The following SSC4D variants were observed in gnomAD, a reference collection of about 807,000 sequenced individuals.
The protein encoded by SSC4D is scavenger receptor cysteine rich family member with 4 domains, also known as scavenger receptor cysteine-rich domain-containing group B protein.
Under a neutral mutation model 63.4 loss-of-function variants are expected in SSC4D, and 57 were observed. The ratio of observed to expected loss-of-function variants is 0.90; its 90% CI spans 0.73 to 1.12. The LOEUF (loss-of-function observed/expected upper bound fraction) is 1.12. SSC4D is among the 50% of genes most tolerant of loss of function. The probability of loss-of-function intolerance (pLI) is 0.00; values close to 1 mark genes in which losing one functional copy is unlikely to be tolerated. For synonymous variants in SSC4D, 352 were observed against 345.4 expected, an observed-to-expected ratio of 1.02 and a Z score of -0.21; for missense variants, 791 against 806.4, an observed-to-expected ratio of 0.98 and a Z score of 0.23.
rs1047870905 is a variant in SSC4D, at chr7:76,389,786, C to T, written c.*273G>A. 4.0e-6 allele frequency: 2 copies of T among 504,350 alleles called. No homozygotes were observed. Among genetic ancestry groups the T allele is most frequent in the Non-Finnish European group, 7.1e-6 (2 of 280,740 alleles). 31.2% of individuals were successfully genotyped at this position (504,350 alleles called of 1,614,324 possible). On this transcript the variant is annotated 3_prime_UTR_variant, in exon 11 of 11. Coordinates refer to ENST00000275560, the MANE Select transcript of SSC4D (RefSeq NM_080744.2). ...AAACAGAAGAGTTAGGAATCATCCT[C>T]TTCCCCTCGTTTTGGTTTTGGCTGA... is the stretch of plus-strand genomic sequence containing the variant.
At chr7:76,402,916 C>T (rs147068297) in intron 2 of SSC4D, among the ~76,000 whole-genome samples, 2 of 152,344 alleles carry the variant, frequency 1.3e-5, no homozygotes, top group African/African-American at 4.8e-5. Flanking sequence ...ATCCATCCGC[C>T]TCAGCCTCCC....
At chr7:76,403,723 G>T (rs1163045083) in intron 2 of SSC4D, among the ~76,000 whole-genome samples, 3 of 151,360 alleles carry the variant, frequency 2.0e-5, no homozygotes, top group African/African-American at 4.9e-5. Context: ...GTGCAGTGGC[G>T]TGATCTTGGC....
chr7:76,395,421 C>T, intron 6 of SSC4D, 91 bp from the exon 7 acceptor site: 1 of 1,334,948 alleles, frequency 7.5e-7, no homozygotes, highest in South Asian at 1.2e-5. Context: ...GAGGGTCTGC[C>T]TGGAGGAGAG....
At chr7:76,401,151 C>T in intron 2 of SSC4D, 108 bp from the exon 3 acceptor site, 1 of 1,386,176 alleles carries the variant, frequency 7.2e-7, no homozygotes, top group Non-Finnish European at 9.6e-7. Flanking sequence ...CCCCCATCTT[C>T]TTGGACTTCA....
At chr7:76,393,336 G>A (rs1452466535) in intron 9 of SSC4D, 69 bp downstream of exon 9, 7 of 1,280,048 alleles carry the variant, frequency 5.5e-6, no homozygotes, top group Non-Finnish European at 6.9e-6. Flanking sequence ...CGCGCGTGGC[G>A]CCGCCCCGCC....
At chr7:76,400,943 CCT>C in intron 3 of SSC4D, 63 bp downstream of exon 3, 1 of 1,548,100 alleles carries the variant, frequency 6.5e-7, no homozygotes, top group East Asian at 2.4e-5. Context: ...CCTGTGGTTC[CCT>C]GTCTGAGGCT....
rs550888505 is a variant in SSC4D, at chr7:76,408,501, C to T, written c.-67+913G>A. Among the ~76,000 whole-genome samples, 6 of 152,260 alleles carry T rather than the reference C, an allele frequency of 3.9e-5. No individual in the cohort carries two copies. The East Asian group carries it at 1.2e-3, about 29-fold the overall frequency. On this transcript the variant is annotated intron_variant, in intron 1 of 10. Coordinates refer to ENST00000275560, the MANE Select transcript of SSC4D (RefSeq NM_080744.2). ...ACCCACTTCTCAGGCTGCTGGGATA[C>T]TGGCCCCCCAGGCCAGATCAGCCCC...
Position 76,400,514 on chromosome 7 carries a change from A to G in SSC4D, c.247T>C (p.Cys83Arg). ...VMHGGSWGSV[C>R]DDDWDVVDAN... ...TCCACCACGTCCCAGTCGTCATCAC[A>G]GACGCTGCCCCAGGAGCCACCGTGC... is the stretch of plus-strand genomic sequence containing the variant. Residue 83 changes from cysteine (C) to arginine (R), a missense_variant, in exon 4 of 11, where the codon TGT becomes CGT. Coordinates refer to ENST00000275560, the MANE Select transcript of SSC4D (RefSeq NM_080744.2). 1 of 1,587,462 alleles carries G rather than the reference A, an allele frequency of 6.3e-7. No homozygotes were observed. The highest frequency in any genetic ancestry group is 1.8e-5 in the Admixed American group (1 of 56,458).
chr7:76,391,103 C>T (rs1007221722), intron 10 of SSC4D, among the ~76,000 whole-genome samples: 2 of 152,096 alleles, frequency 1.3e-5, no homozygotes, highest in Non-Finnish European at 2.9e-5. Context: ...CCACTGCATT[C>T]CAGCCTGGAT....
chr7:76,389,928 A>T lies in SSC4D; in HGVS notation c.*131T>A. 8.3e-7 allele frequency: 1 copy of T among 1,204,506 alleles called. No individual in the cohort carries two copies. The highest frequency in any genetic ancestry group is 1.4e-5 in the South Asian group (1 of 71,304). The allele number at this position is 1,204,506 out of a possible 1,614,324, so 74.6% of individuals were successfully genotyped here. On this transcript the variant is annotated 3_prime_UTR_variant, in exon 11 of 11. Transcript: ENST00000275560. ...TCCCCCAAGCAGGACTGCACTGTCTAGGTAGGCTCTCTCCCAGGCAAGGGA... is the reference window on the plus strand; with the variant it reads ...TCCCCCAAGCAGGACTGCACTGTCTTGGTAGGCTCTCTCCCAGGCAAGGGA...
In SSC4D at chr7:76,390,387, C is replaced by CGT. The variant is rs2115731969; in HGVS notation, c.1412-13_1412-12insAC. 1 of 1,566,324 alleles carries CGT rather than the reference C, an allele frequency of 6.4e-7. No homozygotes were observed. Among genetic ancestry groups the CGT allele is most frequent in the East Asian group, 2.2e-5 (1 of 44,486 alleles). On this transcript the variant is annotated splice_polypyrimidine_tract_variant and intron_variant, in intron 10 of 10. Transcript: ENST00000275560. Reference sequence around the variant, plus strand: ...CAGACGTAGATGCCCTGTGGGGGGACAGGGCTGGGTTGGAAGGGGCTGGTC... The same window carrying CGT: ...CAGACGTAGATGCCCTGTGGGGGGACGTAGGGCTGGGTTGGAAGGGGCTGGTC...
intron 1 of SSC4D, among the ~76,000 whole-genome samples, chr7:76,405,271 T>TTTTATATA (rs1287607628): frequency 3.1e-3 from 28 of 9,128 alleles, no homozygotes; most frequent in Non-Finnish European, 5.1e-3. Flanking sequence ...ACCCAGCTAA[T>TTTTATATA]TATATATATA....
In SSC4D at chr7:76,400,995, G is replaced by A. The variant is rs1338381243; in HGVS notation, c.169+13C>T. The A allele has an allele frequency of 6.4e-7, 1 of 1,551,018 alleles. No homozygotes were observed. The highest frequency in any genetic ancestry group is 2.0e-5 in the Admixed American group (1 of 50,882). ...ACAGGTGAGGGTGAGGAAGGGCGGG[G>A]TGGGGCACCTACCTTGAAAGGGCAG... On this transcript the variant is annotated intron_variant, in intron 3 of 10. Coordinates refer to ENST00000275560, the MANE Select transcript of SSC4D (RefSeq NM_080744.2).
chr7:76,392,489 G>C (rs1804514488), intron 9 of SSC4D, among the ~76,000 whole-genome samples: 1 of 151,126 alleles, frequency 6.6e-6, no homozygotes. Flanking sequence ...GGCGGAGGTT[G>C]CAGTGAGCCA....
intron 3 of SSC4D, 50 bp from the exon 4 acceptor site, chr7:76,400,641 A>G: frequency 7.1e-7 from 1 of 1,413,120 alleles, no homozygotes. Flanking sequence ...TCCAACCTCC[A>G]GCATGCCCAC....
chr7:76,400,798 G>A (rs534677470), intron 3 of SSC4D, among the ~76,000 whole-genome samples: 1 of 152,288 alleles, frequency 6.6e-6, no homozygotes, highest in South Asian at 2.1e-4. Context: ...GTGCACTACG[G>A]GACCCAGCCA....
At chr7:76,409,323 TCACACACACACACACACACACA>T (rs3081030) in intron 1 of SSC4D, 69 bp downstream of exon 1, 2 of 146,428 alleles carry the variant, frequency 1.4e-5, no homozygotes, top group African/African-American at 5.0e-5. Context: ...TCTCTCTGTC[TCACACACACACACACACACACA>T]CACACACACA....
At chr7:76,406,645 A>G (rs2115815769) in intron 1 of SSC4D, among the ~76,000 whole-genome samples, 1 of 151,782 alleles carries the variant, frequency 6.6e-6, no homozygotes, top group South Asian at 2.1e-4. Flanking sequence ...CACCACACCC[A>G]GCTAATTATT....
Position 76,393,439 on chromosome 7 carries a change from G to A in SSC4D, c.1299C>T (p.Cys433=). The A allele has an allele frequency of 2.6e-6, 4 of 1,512,440 alleles. No individual in the cohort carries two copies. Among genetic ancestry groups the A allele is most frequent in the Admixed American group, 2.1e-5 (1 of 48,496 alleles). 93.7% of individuals were successfully genotyped at this position (1,512,440 alleles called of 1,614,324 possible). ...CFHLGWGQHN[C]GHHEDAGALC... is the part of the protein sequence containing the mutation. ...GCGCTCCCGCGTCCTCGTGGTGGCCGCAGTTGTGCTGGCCCCAGCCCAGGT... is the reference window on the plus strand; with the variant it reads ...GCGCTCCCGCGTCCTCGTGGTGGCCACAGTTGTGCTGGCCCCAGCCCAGGT... The change falls in exon 9 of 11, where the codon TGC becomes TGT. Residue 433 remains cysteine, a synonymous_variant. Transcript: ENST00000275560.
Sources: allele counts gnomAD v4.1 joint callset (sites outside exome capture counted in the v4.1 genomes callset), GRCh38; gene constraint gnomAD v4.1.1; transcripts MANE v1.5; gene names NCBI Gene and HGNC (gene_info 2026-07-23, HGNC 2026-07-21).